Variants in SEL1L3 observed in about 807,000 individuals in gnomAD.
SEL1L3 encodes the protein SEL1L family member 3, also known as protein sel-1 homolog 3.
In SEL1L3, 76 loss-of-function variants were observed where a neutral mutation model predicts 142.8. That is an observed-to-expected ratio of 0.53 (90% confidence interval 0.44 to 0.64). The LOEUF is 0.64. Ranked by LOEUF, SEL1L3 falls within the 30% of genes least tolerant of loss-of-function variation. The pLI, the probability that SEL1L3 is intolerant of heterozygous loss-of-function variation, is 0.00. For missense variants in SEL1L3, 1,262 were observed against 1,381.7 expected (o/e 0.91, Z 1.37); for synonymous variants, 504 against 519.6 (o/e 0.97, Z 0.41).
intron 20 of SEL1L3, among the ~76,000 whole-genome samples, chr4:25,764,493 T>C (rs1310064088): frequency 2.0e-5 from 3 of 152,226 alleles, no homozygotes; most frequent in South Asian, 4.1e-4. Context: ...TTTGCAACTT[T>C]TCTACAAATC....
At chr4:25,822,203 C>A in intron 6 of SEL1L3, 75 bp from the exon 7 acceptor site, 11 of 1,573,884 alleles carry the variant, frequency 7.0e-6, no homozygotes, top group South Asian at 1.2e-5. Context: ...CTTTCCTAGA[C>A]CCTCCTTGAC....
intron 3 of SEL1L3, 30 bp downstream of exon 3, chr4:25,835,167 G>A (rs748271330): frequency 3.5e-5 from 56 of 1,612,434 alleles, no homozygotes; most frequent in Non-Finnish European, 4.4e-5. Flanking sequence ...AGCACCGCCC[G>A]ATCAGCTCCC....
At chr4:25,779,877 GTGGAC>G (rs1465643797) in intron 15 of SEL1L3, among the ~76,000 whole-genome samples, 1 of 152,176 alleles carries the variant, frequency 6.6e-6, no homozygotes, top group Non-Finnish European at 1.5e-5. Context: ...TACTAGCTGT[GTGGAC>G]TTGGGCATGT....
intron 9 of SEL1L3, among the ~76,000 whole-genome samples, chr4:25,811,976 C>G (rs919622016): frequency 6.6e-5 from 10 of 152,210 alleles, no homozygotes; most frequent in Non-Finnish European, 7.3e-5. Context: ...GCTCATCTTA[C>G]TCTGCCTTGA....
At chr4:25,801,196 A>C (rs2109217816) in intron 11 of SEL1L3, among the ~76,000 whole-genome samples, 1 of 152,360 alleles carries the variant, frequency 6.6e-6, no homozygotes, top group Non-Finnish European at 1.5e-5. Flanking sequence ...TGAGGTCAGG[A>C]GTTCAAGACC....
intron 9 of SEL1L3, among the ~76,000 whole-genome samples, chr4:25,806,137 C>A (rs1419208491): frequency 1.0e-4 from 15 of 148,814 alleles, no homozygotes; most frequent in African/African-American, 3.7e-4. Context: ...CTCCTGGGTT[C>A]ACGCCATTCC....
intron 17 of SEL1L3, among the ~76,000 whole-genome samples, chr4:25,775,945 C>T (rs921458917): frequency 6.6e-6 from 1 of 152,066 alleles, no homozygotes; most frequent in African/African-American, 2.4e-5. Flanking sequence ...CAGAGAGTCT[C>T]ACCTAAGATC....
chr4:25,769,918 T>A (rs1382590788), intron 17 of SEL1L3, among the ~76,000 whole-genome samples: 1 of 152,060 alleles, frequency 6.6e-6, no homozygotes, highest in Non-Finnish European at 1.5e-5. Context: ...GCTTGAGCTC[T>A]GGAGTTCAAG....
chr4:25,805,366 T>C (rs1713483261), intron 9 of SEL1L3, among the ~76,000 whole-genome samples: 1 of 152,182 alleles, frequency 6.6e-6, no homozygotes, highest in Non-Finnish European at 1.5e-5. Flanking sequence ...CCCCATTTTT[T>C]ACACGAAGAG....
intron 14 of SEL1L3, 140 bp from the exon 15 acceptor site, chr4:25,782,558 G>A: frequency 1.4e-6 from 1 of 726,300 alleles, no homozygotes; most frequent in South Asian, 2.0e-5. Context: ...TGGCATTAAA[G>A]AAAAGCTAAG....
intron 17 of SEL1L3, among the ~76,000 whole-genome samples, chr4:25,772,399 G>C (rs1438096176): frequency 6.6e-6 from 1 of 152,152 alleles, no homozygotes; most frequent in East Asian, 1.9e-4. Context: ...GAGTAAATTG[G>C]TGAAACTACT....
chr4:25,831,518 T>A (rs1300281615), intron 5 of SEL1L3, among the ~76,000 whole-genome samples: 1 of 128,314 alleles, frequency 7.8e-6, no homozygotes, highest in Non-Finnish European at 1.6e-5. Context: ...ATAATTATTA[T>A]TATTATTATT....
At chr4:25,803,181 A>G (rs552441635) in intron 10 of SEL1L3, among the ~76,000 whole-genome samples, 2 of 152,174 alleles carry the variant, frequency 1.3e-5, no homozygotes, top group East Asian at 3.9e-4. Context: ...GACTGGTCTG[A>G]CCACCTCATC....
intron 17 of SEL1L3, among the ~76,000 whole-genome samples, chr4:25,775,027 C>A (rs1719511933): frequency 6.6e-6 from 1 of 152,052 alleles, no homozygotes; most frequent in African/African-American, 2.4e-5. Flanking sequence ...TTTAGTTCAT[C>A]CTAAGAAGTT....
At position 25,754,358 on chromosome 4, in the gene SEL1L3, T is replaced by C. The variant is rs562105847; in HGVS notation, c.3259+3176A>G. Among the ~76,000 whole-genome samples the C allele has an allele frequency of 9.3e-5, 14 of 151,126 alleles. No individual in the cohort carries two copies. In the East Asian group the frequency reaches 2.7e-3, roughly 29 times the overall value. ...TATAAAAATTATTGACAACTTTTTT[T>C]TTTTTTTTGACACAGGGTCTCACTC... On this transcript the variant is annotated intron_variant, in intron 23 of 23. Transcript: ENST00000399878.
chr4:25,833,876 G>A (rs1207040751), intron 3 of SEL1L3, among the ~76,000 whole-genome samples: 1 of 152,056 alleles, frequency 6.6e-6, no homozygotes, highest in Non-Finnish European at 1.5e-5. Context: ...TCTTGATTAA[G>A]GCTTACAAAG....
chr4:25,797,677 G>A (rs974320028), intron 11 of SEL1L3, among the ~76,000 whole-genome samples: 1 of 152,202 alleles, frequency 6.6e-6, no homozygotes, highest in Non-Finnish European at 1.5e-5. Context: ...TCAAGACACT[G>A]CAGTTGACTT....
Position 25,835,199 on chromosome 4 carries a change from T to C in SEL1L3, c.858A>G (p.Pro286=), listed in dbSNP as rs1715727788. ...TCCCTTCTGCTACCCATCCTTACAC[T>C]GGGTAATCCATCCTCTGGCGTCGAG... ...EATRRQRMDY[P]VFTVSLWLYL... The change falls in exon 3 of 24, where the codon CCA becomes CCG. Residue 286 remains proline, a splice_region_variant and synonymous_variant. Coordinates refer to ENST00000399878, the MANE Select transcript of SEL1L3 (RefSeq NM_015187.5). The C allele has an allele frequency of 2.5e-6, 4 of 1,613,822 alleles. No individual in the cohort carries two copies. The highest frequency in any genetic ancestry group is 1.3e-5 in the African/African-American group (1 of 74,912).
At chr4:25,778,408 A>G (rs1445177745) in intron 16 of SEL1L3, among the ~76,000 whole-genome samples, 2 of 152,232 alleles carry the variant, frequency 1.3e-5, no homozygotes, top group South Asian at 2.1e-4. Flanking sequence ...GATCAAATAC[A>G]TAGAAAATGA....
Sources: allele counts gnomAD v4.1 joint callset (sites outside exome capture counted in the v4.1 genomes callset), GRCh38; gene constraint gnomAD v4.1.1; transcripts MANE v1.5; gene names NCBI Gene and HGNC (gene_info 2026-07-23, HGNC 2026-07-21).